AKAP6: variants seen among roughly 807,000 people sequenced by gnomAD.
AKAP6 encodes A-kinase anchoring protein 6, also known as A-kinase anchor protein 6.
In AKAP6, 58 loss-of-function variants were observed where a neutral mutation model predicts 188.5. The observed-to-expected ratio is 0.31, with a 90% CI of 0.25 to 0.38. The LOEUF (loss-of-function observed/expected upper bound fraction) is 0.38. Ranked by LOEUF, AKAP6 falls within the 10% of genes least tolerant of loss-of-function variation. AKAP6 has a pLI of 1.00. For synonymous variants in AKAP6, 989 were observed against 998.6 expected (o/e 0.99, Z 0.18); for missense variants, 2,710 against 2,740.0 (o/e 0.99, Z 0.24).
intron 5 of AKAP6, among the ~76,000 whole-genome samples, chr14:32,589,274 C>T (rs1405542864): frequency 2.0e-5 from 3 of 152,192 alleles, no homozygotes; most frequent in Non-Finnish European, 4.4e-5. Flanking sequence ...TTTGCTTGTC[C>T]CCCTTGATTC....
chr14:32,789,118 G>A (rs145965356), intron 12 of AKAP6, among the ~76,000 whole-genome samples: 2 of 151,310 alleles, frequency 1.3e-5, no homozygotes, highest in East Asian at 3.9e-4. Flanking sequence ...TGGCGAGACT[G>A]CTTCTTTAAG....
At chr14:32,714,872 G>A (rs777264735) in intron 9 of AKAP6, among the ~76,000 whole-genome samples, 49 of 151,726 alleles carry the variant, frequency 3.2e-4, no homozygotes, top group Non-Finnish European at 2.7e-4. Flanking sequence ...GGATGTCATG[G>A]CAAATATGAC....
chr14:32,824,358 C>A lies in AKAP6; in HGVS notation c.6545C>A (p.Pro2182His), dbSNP rs1285912999. The A allele has an allele frequency of 6.2e-7, 1 of 1,613,866 alleles. No homozygotes were observed. Among genetic ancestry groups the A allele is most frequent in the Non-Finnish European group, 8.5e-7 (1 of 1,179,942 alleles). ...SSAPPNESAV[P>H]SEAAMPLQAT... ...GCTCCTCCAAATGAATCTGCAGTTC[C>A]CAGCGAAGCTGCAATGCCACTACAA... Residue 2182 changes from proline (P) to histidine (H), a missense_variant, in exon 13 of 14, where the codon CCC becomes CAC. Physicochemically the swap from Pro to His is moderately conservative, Grantham distance 77. Around this residue, in one of 2 missense-constraint regions of AKAP6, gnomAD observed 2,473 missense variants for 2,426.1 expected, o/e 1.02. Transcript: ENST00000280979.
intron 7 of AKAP6, among the ~76,000 whole-genome samples, chr14:32,633,807 C>G (rs555915428): frequency 5.2e-4 from 79 of 152,172 alleles, no homozygotes; most frequent in African/African-American, 1.9e-3. Flanking sequence ...ATACAATAAC[C>G]AAAGGCTTGA....
intron 11 of AKAP6, among the ~76,000 whole-genome samples, chr14:32,762,549 G>T (rs923256756): frequency 1.3e-5 from 2 of 152,018 alleles, no homozygotes; most frequent in Non-Finnish European, 2.9e-5. Context: ...CAGCTTTCGT[G>T]GGATAACTCA....
chr14:32,827,781 T>G (rs184105425), intron 13 of AKAP6, among the ~76,000 whole-genome samples: 1 of 152,330 alleles, frequency 6.6e-6, no homozygotes, highest in Admixed American at 6.5e-5. Flanking sequence ...TTTTGCTGTA[T>G]TCTGACAGTT....
At chr14:32,741,854 C>G (rs552086484) in intron 11 of AKAP6, among the ~76,000 whole-genome samples, 117 of 105,742 alleles carry the variant, frequency 1.1e-3, no homozygotes, top group African/African-American at 4.1e-3. Context: ...TAGTGCGTCT[C>G]TGTCTGGTTT....
At chr14:32,567,071 A>G (rs1884226636) in intron 4 of AKAP6, among the ~76,000 whole-genome samples, 1 of 151,998 alleles carries the variant, frequency 6.6e-6, no homozygotes, top group African/African-American at 2.4e-5. Flanking sequence ...ACAGGTGCAC[A>G]CCACCCTGAC....
intron 1 of AKAP6, among the ~76,000 whole-genome samples, chr14:32,336,435 G>T (rs1214628684): frequency 6.6e-6 from 1 of 152,078 alleles, no homozygotes; most frequent in Non-Finnish European, 1.5e-5. Context: ...GTCAACAATT[G>T]ACAAATGCAT....
chr14:32,422,533 C>T (rs944276552), intron 1 of AKAP6, among the ~76,000 whole-genome samples: 1 of 152,050 alleles, frequency 6.6e-6, no homozygotes, highest in African/African-American at 2.4e-5. Context: ...CATGGAATAC[C>T]ACCAATTTGG....
chr14:32,663,874 T>C (rs1287753295), intron 7 of AKAP6, among the ~76,000 whole-genome samples: 1 of 152,116 alleles, frequency 6.6e-6, no homozygotes. Flanking sequence ...TACCATTGTG[T>C]TGTCTTCCTA....
At chr14:32,426,555 GTC>G in intron 1 of AKAP6, among the ~76,000 whole-genome samples, 1 of 152,228 alleles carries the variant, frequency 6.6e-6, no homozygotes, top group African/African-American at 2.4e-5. Context: ...TACAAATCCA[GTC>G]TCTGTCATGA....
chr14:32,351,767 A>G (rs558330139), intron 1 of AKAP6, among the ~76,000 whole-genome samples: 1 of 152,112 alleles, frequency 6.6e-6, no homozygotes, highest in Non-Finnish European at 1.5e-5. Flanking sequence ...GTGTGTATGT[A>G]TATGTTTATA....
At chr14:32,727,010 T>G (rs1168838831) in intron 9 of AKAP6, among the ~76,000 whole-genome samples, 1 of 152,088 alleles carries the variant, frequency 6.6e-6, no homozygotes, top group African/African-American at 2.4e-5. Flanking sequence ...TAATATAAAC[T>G]CATTAAAGGC....
At position 32,466,839 on chromosome 14, in the gene AKAP6, ATATATATT is replaced by A. The variant is rs991957382; in HGVS notation, c.324+33024_324+33031del. ...TGTAAAAACAAGATTATATATATATATATATATTTTCTTTCTTAGCAAGACTAATTCAT... is the reference window on the plus strand; with the variant it reads ...TGTAAAAACAAGATTATATATATATATTCTTTCTTAGCAAGACTAATTCAT... On this transcript the variant is annotated intron_variant, in intron 2 of 13. Transcript: ENST00000280979. Among the ~76,000 whole-genome samples the A allele has an allele frequency of 4.9e-5, 7 of 143,166 alleles. 1 individual carries two copies. Among genetic ancestry groups the A allele is most frequent in the African/African-American group, 1.9e-4 (7 of 36,998 alleles). The allele number at this position is 143,166 out of a possible 152,430, so 93.9% of individuals were successfully genotyped here. A position where few individuals can be genotyped will look rare whatever the true frequency, so the allele number is the denominator to read the frequency against.
At chr14:32,578,511 C>CT (rs560914078) in intron 5 of AKAP6, among the ~76,000 whole-genome samples, 1 of 151,858 alleles carries the variant, frequency 6.6e-6, no homozygotes, top group Non-Finnish European at 1.5e-5. Context: ...AGAGTTTCAA[C>CT]TTTTTTTTAA....
At chr14:32,633,090 A>C (rs527439204) in intron 7 of AKAP6, among the ~76,000 whole-genome samples, 1 of 152,214 alleles carries the variant, frequency 6.6e-6, no homozygotes, top group South Asian at 2.1e-4. Context: ...TTTCTAATTT[A>C]ATTTCATTTT....
intron 4 of AKAP6, among the ~76,000 whole-genome samples, chr14:32,567,225 T>C (rs1467213180): frequency 6.6e-6 from 1 of 152,184 alleles, no homozygotes; most frequent in East Asian, 1.9e-4. Flanking sequence ...CCAGCCTACT[T>C]ACCTTTTCTG....
At chr14:32,509,259 G>C (rs1473222160) in intron 2 of AKAP6, among the ~76,000 whole-genome samples, 1 of 151,050 alleles carries the variant, frequency 6.6e-6, no homozygotes. Flanking sequence ...TGAGTAGCTG[G>C]GATTACATGT....
Sources: allele counts gnomAD v4.1 joint callset (sites outside exome capture counted in the v4.1 genomes callset), GRCh38; gene constraint gnomAD v4.1.1; regional missense constraint gnomAD v4.1.1; transcripts MANE v1.5; gene names NCBI Gene and HGNC (gene_info 2026-07-23, HGNC 2026-07-21).